LARGE1: variants seen among roughly 807,000 people sequenced by gnomAD.
The protein encoded by LARGE1 is xylosyl- and glucuronyltransferase LARGE1.
In LARGE1, 43 loss-of-function variants were observed where a neutral mutation model predicts 87.6. That is an observed-to-expected ratio of 0.49 (90% CI 0.38 to 0.63). The LOEUF is 0.63. LARGE1 is among the 30% of genes least tolerant of loss of function. LARGE1 has a pLI of 0.00. For synonymous variants in LARGE1, 434 were observed against 394.6 expected, an observed-to-expected ratio of 1.10 and a Z score of -1.18; for missense variants, 802 against 1,000.2, an observed-to-expected ratio of 0.80 and a Z score of 2.67.
chr22:33,138,450 A>G, the LARGE1 span, among the ~76,000 whole-genome samples: 1 of 148,328 alleles, frequency 6.7e-6, no homozygotes, highest in African/African-American at 2.5e-5. Flanking sequence ...TTATTTTTTC[A>G]TTTTTTTTTT....
intron 11 of LARGE1, among the ~76,000 whole-genome samples, chr22:33,314,650 G>C (rs965011733): frequency 6.6e-6 from 1 of 152,160 alleles, no homozygotes. Flanking sequence ...CCATAGGCTG[G>C]ATAGGCATCT....
chr22:33,325,787 T>C (rs1045512916), intron 10 of LARGE1, among the ~76,000 whole-genome samples: 4 of 152,218 alleles, frequency 2.6e-5, no homozygotes, highest in African/African-American at 7.2e-5. Flanking sequence ...GCATGTTGCT[T>C]TGCACTTTCA....
intron 2 of LARGE1, among the ~76,000 whole-genome samples, chr22:33,651,256 G>A (rs971901894): frequency 2.5e-5 from 2 of 80,200 alleles, no homozygotes; most frequent in Admixed American, 1.0e-4. Context: ...GCCGGGCTTG[G>A]TGGCACACAC....
chr22:33,505,773 C>T (rs1025175053), intron 6 of LARGE1, among the ~76,000 whole-genome samples: 16 of 152,212 alleles, frequency 1.1e-4, no homozygotes, highest in Admixed American at 3.3e-4. Flanking sequence ...TGTCGTGCTG[C>T]GACTGTGTCA....
Position 33,385,769 on chromosome 22 carries a change from T to C in LARGE1, c.893-1465A>G, listed in dbSNP as rs1486849699. 2.0e-5 allele frequency among the ~76,000 whole-genome samples: 3 copies of C among 147,858 alleles called. 1 individual carries two copies. Among genetic ancestry groups the C allele is most frequent in the Admixed American group, 6.7e-5 (1 of 14,862 alleles). On this transcript the variant is annotated intron_variant, in intron 7 of 14. Coordinates refer to ENST00000397394, the MANE Select transcript of LARGE1 (RefSeq NM_133642.5). ...GCAGTCAATTTGGTGGGTGGAACTGTAGCACCCAGAGGCCCCCAAATCAAT... is the reference window on the plus strand; with the variant it reads ...GCAGTCAATTTGGTGGGTGGAACTGCAGCACCCAGAGGCCCCCAAATCAAT...
intron 6 of LARGE1, among the ~76,000 whole-genome samples, chr22:33,556,953 C>A (rs1424150757): frequency 6.6e-6 from 1 of 152,160 alleles, no homozygotes; most frequent in Non-Finnish European, 1.5e-5. Context: ...TTGCAGTGAG[C>A]TGACATTGTG....
chr22:33,563,273 C>G (rs984203346), intron 6 of LARGE1: 1 of 152,266 alleles, frequency 6.6e-6, no homozygotes, highest in Non-Finnish European at 1.5e-5. Flanking sequence ...TCTGATGAGA[C>G]AGAGCACAAT....
At chr22:33,382,717 G>A (rs141692465) in intron 8 of LARGE1, among the ~76,000 whole-genome samples, 5 of 152,250 alleles carry the variant, frequency 3.3e-5, no homozygotes, top group East Asian at 1.9e-4. Flanking sequence ...ATGGGCCTTC[G>A]TGGCAGAAGA....
At chr22:33,091,652 G>A in the LARGE1 span, among the ~76,000 whole-genome samples, 2 of 152,296 alleles carry the variant, frequency 1.3e-5, no homozygotes, top group South Asian at 2.1e-4. Flanking sequence ...ATGGTAAAGC[G>A]AAAAGACTTT....
intron 1 of LARGE1, among the ~76,000 whole-genome samples, chr22:33,762,032 A>G (rs567873798): frequency 1.3e-5 from 2 of 152,102 alleles, no homozygotes; most frequent in East Asian, 3.9e-4. Context: ...GCTGGCCAAC[A>G]TGGTGAAACC....
intron 6 of LARGE1, among the ~76,000 whole-genome samples, chr22:33,466,897 G>A (rs568070866): frequency 2.1e-4 from 32 of 152,060 alleles, no homozygotes; most frequent in Non-Finnish European, 3.4e-4. Context: ...AAAATTAGCT[G>A]AGCGTGGTGG....
rs540365757 is a variant in LARGE1, at chr22:33,867,662, C to T, written c.-83+52333G>A. Among the ~76,000 whole-genome samples the T allele has an allele frequency of 9.2e-5, 14 of 152,282 alleles. No homozygotes were observed. In the East Asian group the frequency reaches 1.9e-3, roughly 21 times the overall value. The stretch of plus-strand genomic sequence containing the variant: ...AGCTAAATGTCATGGGATGGAGCCA[C>T]GTTGAATCACTGGATCTACTTCGCA... On this transcript the variant is annotated intron_variant, in intron 1 of 14. Coordinates refer to ENST00000397394, the MANE Select transcript of LARGE1 (RefSeq NM_133642.5).
At chr22:33,100,840 ATTT>A in the LARGE1 span, among the ~76,000 whole-genome samples, 2 of 137,254 alleles carry the variant, frequency 1.5e-5, no homozygotes, top group Admixed American at 7.3e-5. Context: ...ATTAACTTCT[ATTT>A]TTTTTTTTTT....
chr22:33,636,618 C>T (rs959809454), intron 3 of LARGE1, among the ~76,000 whole-genome samples: 8 of 152,280 alleles, frequency 5.3e-5, no homozygotes, highest in African/African-American at 1.9e-4. Flanking sequence ...GCCTCAAATT[C>T]CTGGGCTCAA....
At chr22:33,891,439 T>A (rs202059806) in intron 1 of LARGE1, among the ~76,000 whole-genome samples, 49 of 147,906 alleles carry the variant, frequency 3.3e-4, no homozygotes, top group South Asian at 4.3e-4. Context: ...GTGCTAGCCA[T>A]AAAAAAAAAA....
At chr22:33,436,135 GC>G (rs2067262948) in intron 6 of LARGE1, among the ~76,000 whole-genome samples, 1 of 152,028 alleles carries the variant, frequency 6.6e-6, no homozygotes, top group Non-Finnish European at 1.5e-5. Flanking sequence ...CCGGTTCCTA[GC>G]CCTGCCACCT....
chr22:33,691,857 T>C (rs2149339613), intron 2 of LARGE1, among the ~76,000 whole-genome samples: 1 of 152,318 alleles, frequency 6.6e-6, no homozygotes, highest in South Asian at 2.1e-4. Flanking sequence ...CTCCCTGGAC[T>C]CTAGGAGAGC....
chr22:33,264,413 C>T (rs561856837), intron 11 of LARGE1, among the ~76,000 whole-genome samples: 28 of 152,346 alleles, frequency 1.8e-4, no homozygotes, highest in Non-Finnish European at 1.5e-5. Flanking sequence ...AATCCCAGCA[C>T]TCTGGGAGGC....
intron 4 of LARGE1, among the ~76,000 whole-genome samples, chr22:33,618,269 G>A (rs1010404432): frequency 6.6e-6 from 1 of 152,222 alleles, no homozygotes; most frequent in Middle Eastern, 3.2e-3. Flanking sequence ...CTTTCCAAAA[G>A]AGAAGAACAG....
Sources: allele counts gnomAD v4.1 joint callset (sites outside exome capture counted in the v4.1 genomes callset), GRCh38; gene constraint gnomAD v4.1.1; transcripts MANE v1.5; gene names NCBI Gene and HGNC (gene_info 2026-07-23, HGNC 2026-07-21).